The following ADCY3 variants were observed in gnomAD, a reference collection of about 807,000 sequenced individuals.
The protein encoded by ADCY3 is adenylate cyclase type 3.
A neutral mutation model predicts 119.4 loss-of-function variants in ADCY3; 70 were observed. The ratio of observed to expected loss-of-function variants is 0.59; its 90% CI spans 0.48 to 0.72. The LOEUF (loss-of-function observed/expected upper bound fraction) is 0.72. Ranked by LOEUF, ADCY3 falls within the 30% of genes least tolerant of loss-of-function variation. The probability of loss-of-function intolerance (pLI) is 0.00; values close to 1 mark genes in which losing one functional copy is unlikely to be tolerated. For missense variants in ADCY3, 1,238 were observed against 1,541.6 expected, an observed-to-expected ratio of 0.80 and a Z score of 3.30; for synonymous variants, 672 against 621.4, an observed-to-expected ratio of 1.08 and a Z score of -1.21.
chr2:24,882,012 C>T (rs1159682789), intron 2 of ADCY3, among the ~76,000 whole-genome samples: 1 of 152,238 alleles, frequency 6.6e-6, no homozygotes, highest in African/African-American at 2.4e-5. Context: ...TTTTTGATTC[C>T]TGAGTGTTCA....
intron 2 of ADCY3, among the ~76,000 whole-genome samples, chr2:24,911,217 CT>C (rs61442701): frequency 0.11 from 10,038 of 93,470 alleles, 243 homozygotes; most frequent in African/African-American, 0.18. Context: ...TATAAGGGTT[CT>C]TTTTTTTTTT....
intron 2 of ADCY3, among the ~76,000 whole-genome samples, chr2:24,873,795 G>A (rs1675316472): frequency 1.3e-5 from 2 of 152,174 alleles, no homozygotes; most frequent in South Asian, 2.1e-4. Context: ...CCCTTCCCCC[G>A]AGGCTGTGGC....
At chr2:24,845,641 C>T (rs1396435898) in intron 3 of ADCY3, among the ~76,000 whole-genome samples, 7 of 152,180 alleles carry the variant, frequency 4.6e-5, no homozygotes, top group South Asian at 2.1e-4. Flanking sequence ...CCTGACTATG[C>T]GATAGAAAAG....
chr2:24,825,401 C>T (rs1461923212), intron 16 of ADCY3, among the ~76,000 whole-genome samples: 2 of 139,424 alleles, frequency 1.4e-5, no homozygotes, highest in South Asian at 2.2e-4. Context: ...GTGGTGTGAT[C>T]TCAGCTTACT....
chr2:24,830,617 G>T, intron 13 of ADCY3, 92 bp downstream of exon 13: 1 of 917,960 alleles, frequency 1.1e-6, no homozygotes, highest in Non-Finnish European at 1.7e-6. Context: ...ACGGTGGAGG[G>T]ATGGACTGAG....
intron 2 of ADCY3, among the ~76,000 whole-genome samples, chr2:24,873,224 G>A (rs1229408025): frequency 5.9e-5 from 9 of 152,196 alleles, no homozygotes; most frequent in Non-Finnish European, 1.2e-4. Context: ...CTTGGGATGC[G>A]GCAGGACCCC....
chr2:24,826,098 T>C lies in ADCY3; in HGVS notation c.2524A>G (p.Met842Val), dbSNP rs779417481. 1.9e-6 allele frequency: 3 copies of C among 1,613,980 alleles called. No homozygotes were observed. Among genetic ancestry groups the C allele is most frequent in the Non-Finnish European group, 2.5e-6 (3 of 1,179,986 alleles). ...ATCATGAGGAACACCATCACCGTCA[T>C]AGAGTACTTGGAAGGCACCAGGGGC... ...RLPLVPSKYSMTVMVFLMMLS... is the reference protein window; with the variant it reads ...RLPLVPSKYSVTVMVFLMMLS... The change falls in exon 16 of 22, where the codon ATG becomes GTG. Residue 842 changes from methionine (M) to valine (V), a missense_variant. This residue lies in a region of ADCY3 where 499 missense variants were observed against 571.0 expected (regional missense o/e 0.87). Coordinates refer to ENST00000679454, the MANE Select transcript of ADCY3 (RefSeq NM_004036.5).
Position 24,840,019 on chromosome 2 carries a change from C to A in ADCY3, c.1209G>T (p.Glu403Asp). The A allele has an allele frequency of 6.2e-7, 1 of 1,610,996 alleles. No individual in the cohort carries two copies. Among genetic ancestry groups the A allele is most frequent in the Non-Finnish European group, 8.5e-7 (1 of 1,177,734 alleles). ...AMVEAISYVR[E>D]KTKTGVDMRV... ...GCATGTCCACCCCAGTCTTGGTCTT[C>A]TCCCGCACATACCTGCCAGGTACAC... Residue 403 changes from glutamate (E) to aspartate (D), a missense_variant, in exon 7 of 22, where the codon GAG becomes GAT. Physicochemically the swap from Glu to Asp is conservative, Grantham distance 45. This residue lies in a region of ADCY3 where 283 missense variants were observed against 437.2 expected (regional missense o/e 0.65). Coordinates refer to ENST00000679454, the MANE Select transcript of ADCY3 (RefSeq NM_004036.5).
intron 3 of ADCY3, among the ~76,000 whole-genome samples, chr2:24,843,893 C>A (rs1231769511): frequency 2.0e-5 from 3 of 152,170 alleles, no homozygotes; most frequent in Admixed American, 2.0e-4. Context: ...CAGCAGGGAG[C>A]TGGTCAAGAG....
chr2:24,841,662 A>G lies in ADCY3; in HGVS notation c.962T>C (p.Leu321Pro). The change falls in exon 5 of 22, where the codon CTC (leucine) becomes CCC (proline). Residue 321 changes from leucine to proline, a missense_variant. This residue lies in a region of ADCY3 where 283 missense variants were observed against 437.2 expected (regional missense o/e 0.65). Transcript: ENST00000679454. The surrounding 1 kb of genome is among the most constrained non-coding windows in gnomAD (Gnocchi z 5.8). ...YMYRHENVSI[L>P]FADIVGFTQL... is the part of the protein sequence containing the mutation. ...GGTAAAGCCCACGATGTCGGCAAAG[A>G]GGATGCTGCATGAGGAAGGAACCGT... 1.9e-6 allele frequency: 3 copies of G among 1,613,242 alleles called. No homozygotes were observed. The highest frequency in any genetic ancestry group is 2.5e-6 in the Non-Finnish European group (3 of 1,179,758).
At position 24,835,248 on chromosome 2, in the gene ADCY3, C is replaced by T. The variant is rs143693387; in HGVS notation, c.1663-312G>A. Among the ~76,000 whole-genome samples, 403 of 152,262 alleles carry T rather than the reference C, an allele frequency of 2.6e-3. 2 individuals are homozygous for T. Among genetic ancestry groups the T allele is most frequent in the African/African-American group, 9.2e-3 (384 of 41,564 alleles). On this transcript the variant is annotated intron_variant, in intron 9 of 21. Coordinates refer to ENST00000679454, the MANE Select transcript of ADCY3 (RefSeq NM_004036.5). ...GGCTCCTGAGCAGGAGACCTGTAAT[C>T]GGAGACAGCTGCTGGGCTGAGGCAG...
chr2:24,907,231 A>G (rs574342985), intron 2 of ADCY3, among the ~76,000 whole-genome samples: 56 of 152,254 alleles, frequency 3.7e-4, no homozygotes, highest in African/African-American at 1.3e-3. Flanking sequence ...GCCCACCGAG[A>G]GCTGGATAGG....
chr2:24,820,561 G>T, intron 21 of ADCY3, 163 bp downstream of exon 21: 2 of 1,423,638 alleles, frequency 1.4e-6, no homozygotes, highest in Non-Finnish European at 9.3e-7. Flanking sequence ...TTCCTGTGCT[G>T]AGGCTAGCTA....
At chr2:24,880,444 A>G (rs1049940973) in intron 2 of ADCY3, among the ~76,000 whole-genome samples, 1 of 152,296 alleles carries the variant, frequency 6.6e-6, no homozygotes, top group East Asian at 1.9e-4. Context: ...AGTCCTCCCT[A>G]TAAGATGTGC....
intron 18 of ADCY3, 132 bp from the exon 19 acceptor site, chr2:24,822,762 G>C: frequency 2.4e-6 from 3 of 1,238,110 alleles, no homozygotes; most frequent in Non-Finnish European, 2.2e-6. Context: ...TTGTTACTTA[G>C]TCTACCGCTT....
chr2:24,852,690 G>A (rs976862589), intron 3 of ADCY3, among the ~76,000 whole-genome samples: 6 of 152,252 alleles, frequency 3.9e-5, no homozygotes, highest in East Asian at 3.8e-4. Context: ...CCCAGCAGAC[G>A]CCTGCCTGCC....
At chr2:24,854,245 G>A (rs967834375) in intron 3 of ADCY3, among the ~76,000 whole-genome samples, 1 of 152,204 alleles carries the variant, frequency 6.6e-6, no homozygotes, top group Non-Finnish European at 1.5e-5. Flanking sequence ...ATCTGTTGAC[G>A]TAAGATAGTA....
At chr2:24,823,143 A>AT in intron 18 of ADCY3, 66 bp downstream of exon 18, 1 of 1,555,116 alleles carries the variant, frequency 6.4e-7, no homozygotes, top group South Asian at 1.2e-5. Context: ...TCTGCAGCCT[A>AT]TTGTAGGATG....
At chr2:24,833,370 G>A (rs888656894) in intron 11 of ADCY3, among the ~76,000 whole-genome samples, 9 of 152,250 alleles carry the variant, frequency 5.9e-5, no homozygotes, top group Non-Finnish European at 1.0e-4. Context: ...ACCTCTATCC[G>A]AAGCAGGTGT....
Sources: gnomAD v4.1 joint callset for allele counts (sites outside exome capture counted in the v4.1 genomes callset) on GRCh38, gnomAD v4.1.1 for gene constraint, gnomAD v4.1.1 regional missense constraint, Gnocchi (gnomAD v3.1) non-coding constraint, MANE v1.5 for transcripts, NCBI Gene and HGNC (gene_info 2026-07-23, HGNC 2026-07-21) for gene names.